CLMN: variants seen among roughly 807,000 people sequenced by gnomAD.
CLMN encodes the protein calmin (calponin-like, transmembrane).
Under a neutral mutation model 92.7 loss-of-function variants are expected in CLMN, and 57 were observed. The observed-to-expected ratio is 0.61, with a 90% CI of 0.50 to 0.77. The LOEUF (loss-of-function observed/expected upper bound fraction) is 0.77. Ranked by LOEUF, CLMN falls within the 30% of genes least tolerant of loss-of-function variation. The pLI is 0.00. For missense variants in CLMN, 1,158 were observed against 1,237.5 expected (o/e 0.94, Z 0.96); for synonymous variants, 466 against 470.6 (o/e 0.99, Z 0.13).
chr14:95,292,931 G>C (rs994289447), intron 1 of CLMN, among the ~76,000 whole-genome samples: 1 of 152,098 alleles, frequency 6.6e-6, no homozygotes, highest in Non-Finnish European at 1.5e-5. Flanking sequence ...ATCATCCAGG[G>C]GTAACCACGG....
intron 1 of CLMN, among the ~76,000 whole-genome samples, chr14:95,245,920 ATG>A (rs1898553834): frequency 1.3e-5 from 2 of 151,208 alleles, no homozygotes; most frequent in African/African-American, 4.9e-5. Flanking sequence ...GGATGGATGG[ATG>A]GATGGATGGA....
intron 1 of CLMN, among the ~76,000 whole-genome samples, chr14:95,278,778 A>G (rs1900032058): frequency 6.6e-6 from 1 of 152,196 alleles, no homozygotes; most frequent in African/African-American, 2.4e-5. Context: ...TTGGCTGCCT[A>G]GAAGTTATGG....
intron 1 of CLMN, among the ~76,000 whole-genome samples, chr14:95,245,903 A>AATGGATGGATGGATGG (rs61217941): frequency 2.0e-5 from 3 of 148,202 alleles, no homozygotes; most frequent in South Asian, 4.4e-4. Context: ...CACACGGATG[A>AATGGATGGATGGATGG]ATGGATGGAT....
chr14:95,240,250 C>T (rs759166593), intron 1 of CLMN, among the ~76,000 whole-genome samples: 2 of 152,212 alleles, frequency 1.3e-5, no homozygotes, highest in Non-Finnish European at 2.9e-5. Context: ...CACTGGTGCT[C>T]ACAGCCAGCC....
chr14:95,275,453 T>C (rs959948985), intron 1 of CLMN, among the ~76,000 whole-genome samples: 14 of 152,260 alleles, frequency 9.2e-5, no homozygotes, highest in African/African-American at 2.9e-4. Context: ...ACCAGCACCA[T>C]GACAGTTTAC....
intron 1 of CLMN, among the ~76,000 whole-genome samples, chr14:95,289,483 A>G (rs1175890131): frequency 1.0e-5 from 1 of 96,032 alleles, no homozygotes; most frequent in Non-Finnish European, 2.3e-5. Flanking sequence ...ATAAATAAAT[A>G]AATAAATAAA....
Position 95,252,306 on chromosome 14 carries a change from C to G in CLMN, c.83-22173G>C, listed in dbSNP as rs192698006. 8.5e-5 allele frequency among the ~76,000 whole-genome samples: 13 copies of G among 152,278 alleles called. No homozygotes were observed. The East Asian group carries it at 2.5e-3, about 29-fold the overall frequency. On this transcript the variant is annotated intron_variant, in intron 1 of 12. Coordinates refer to ENST00000298912, the MANE Select transcript of CLMN (RefSeq NM_024734.4). ...GCTGCTCCCCCTCACTGTCCCCATA[C>G]GGAAAGTGGGGATAATGAGAGCCCA...
At chr14:95,202,493 T>C (rs1896912045) in intron 9 of CLMN, among the ~76,000 whole-genome samples, 2 of 152,234 alleles carry the variant, frequency 1.3e-5, no homozygotes, top group Admixed American at 6.5e-5. Context: ...TTTCAACCCT[T>C]GCCCTGTGAC....
rs1016867527 is a variant in CLMN, at chr14:95,183,883, C to T, written c.*7681G>A. ...TTTAGCTTCCTTTCCGAAATAAACA[C>T]CTCCCACGATTGTTCTAAGGGTCAA... On this transcript the variant is annotated 3_prime_UTR_variant, in exon 13 of 13. Coordinates refer to ENST00000298912, the MANE Select transcript of CLMN (RefSeq NM_024734.4). 1.3e-5 allele frequency: 2 copies of T among 152,162 alleles called. No individual in the cohort carries two copies. The highest frequency in any genetic ancestry group is 4.8e-5 in the African/African-American group (2 of 41,448). The allele number at this position is 152,162 out of a possible 1,614,324, so 9.4% of individuals were successfully genotyped here.
In CLMN at chr14:95,203,812, C is replaced by T. The variant is rs1038995287; in HGVS notation, c.1537G>A (p.Glu513Lys). The change falls in exon 9 of 13, where the codon GAG (glutamate) becomes AAG (lysine). Residue 513 changes from glutamate (E) to lysine (K), a missense_variant. By Grantham distance (56) the Glu-to-Lys change is moderately conservative. Coordinates refer to ENST00000298912, the MANE Select transcript of CLMN (RefSeq NM_024734.4). ...TCTTCATCGTGGCGGGCTGTACTCT[C>T]TAAAGCACCATTACAGGAAGAAGAC... is the stretch of plus-strand genomic sequence containing the variant. ...SQSSSCNGALESTARHDEESH... is the reference protein window; with the variant it reads ...SQSSSCNGALKSTARHDEESH... 2 of 1,614,050 alleles carry T rather than the reference C, an allele frequency of 1.2e-6. No individual in the cohort carries two copies. The highest frequency in any genetic ancestry group is 2.7e-5 in the African/African-American group (2 of 74,914).
chr14:95,223,740 C>A lies in CLMN; in HGVS notation c.240+20G>T. 2 of 1,574,918 alleles carry A rather than the reference C, an allele frequency of 1.3e-6. No individual in the cohort carries two copies. Among genetic ancestry groups the A allele is most frequent in the Non-Finnish European group, 1.7e-6 (2 of 1,154,588 alleles). On this transcript the variant is annotated intron_variant, in intron 3 of 12. Coordinates refer to ENST00000298912, the MANE Select transcript of CLMN (RefSeq NM_024734.4). ...TCCTTTGCATTTTCTTTCTTTCTGA[C>A]CCTTCTGTAACATACGTACCAGATT... is the stretch of plus-strand genomic sequence containing the variant.
chr14:95,313,188 A>G (rs534289326), intron 1 of CLMN, among the ~76,000 whole-genome samples: 1 of 152,354 alleles, frequency 6.6e-6, no homozygotes, highest in Non-Finnish European at 1.5e-5. Flanking sequence ...CCTTGGTGAC[A>G]AGAATGAAAC....
intron 1 of CLMN, among the ~76,000 whole-genome samples, chr14:95,241,840 C>T (rs544134379): frequency 5.7e-4 from 87 of 152,094 alleles, no homozygotes; most frequent in Non-Finnish European, 8.4e-4. Context: ...TGTGTGTGTG[C>T]GTGTGTGTAT....
chr14:95,276,946 A>ATT (rs56746791), intron 1 of CLMN, among the ~76,000 whole-genome samples: 4,480 of 149,626 alleles, frequency 0.03, 213 homozygotes, highest in African/African-American at 0.098. Context: ...GAAAAAGATG[A>ATT]TTTTTTTTTT....
In CLMN at chr14:95,228,551, A is replaced by C. The variant is rs549608089; in HGVS notation, c.144+1521T>G. Among the ~76,000 whole-genome samples the C allele has an allele frequency of 8.6e-4, 131 of 152,362 alleles. 1 individual carries two copies. The South Asian group carries it at 0.015, about 17-fold the overall frequency. ...AGATAAACTATGTGAATTAGAATTG[A>C]GGTCAAGAGCTCCACTTCCTAAAAG... On this transcript the variant is annotated intron_variant, in intron 2 of 12. Transcript: ENST00000298912.
chr14:95,279,698 G>A (rs1900070338), intron 1 of CLMN, among the ~76,000 whole-genome samples: 1 of 152,096 alleles, frequency 6.6e-6, no homozygotes, highest in Non-Finnish European at 1.5e-5. Context: ...CAGGAGAATG[G>A]CGTGAACCCA....
chr14:95,319,327 A>ACACACC (rs1566930490), intron 1 of CLMN, among the ~76,000 whole-genome samples: 1 of 149,756 alleles, frequency 6.7e-6, no homozygotes, highest in African/African-American at 2.5e-5. Context: ...ACACACACAC[A>ACACACC]CACACACACA....
At chr14:95,200,029 G>C (rs1896832425) in intron 9 of CLMN, among the ~76,000 whole-genome samples, 1 of 151,978 alleles carries the variant, frequency 6.6e-6, no homozygotes, top group Non-Finnish European at 1.5e-5. Context: ...CCCTCTGCAA[G>C]CTGAGCTGGG....
intron 1 of CLMN, among the ~76,000 whole-genome samples, chr14:95,302,257 G>A (rs1901090868): frequency 1.3e-5 from 2 of 151,818 alleles, no homozygotes; most frequent in South Asian, 2.1e-4. Flanking sequence ...CCAAGATCGC[G>A]CCACTACACT....
Sources: allele counts gnomAD v4.1 joint callset (sites outside exome capture counted in the v4.1 genomes callset), GRCh38; gene constraint gnomAD v4.1.1; transcripts MANE v1.5; gene names NCBI Gene and HGNC (gene_info 2026-07-23, HGNC 2026-07-21).